The following FAM229A variants were observed in gnomAD, a reference collection of about 807,000 sequenced individuals.
FAM229A encodes the protein protein FAM229A.
FAM229A carries 9 observed loss-of-function variants against 10.0 expected under a neutral mutation model. The observed-to-expected ratio is 0.90, with a 90% confidence interval of 0.54 to 1.56. FAM229A has a LOEUF of 1.56. Among genes scored for constraint, FAM229A ranks in the 40% most tolerant of loss-of-function variants. FAM229A has a pLI of 0.00. For missense variants in FAM229A, 196 were observed against 197.6 expected (o/e 0.99, Z 0.05); for synonymous variants, 93 against 90.1 (o/e 1.03, Z -0.19).
chr1:32,361,982 A>G lies in FAM229A; in HGVS notation c.110T>C (p.Leu37Pro), dbSNP rs1641710769. The stretch of plus-strand genomic sequence containing the variant: ...CCTCCCGGCGGTTGAGACCGGTCCC[A>G]GGCTAGAAGCAGCTGCCGGAGCCCT... ...AARAPAAASS[L>P]GPVSTAGRAP... The change falls in exon 1 of 3, where the codon CTG becomes CCG. Residue 37 changes from leucine to proline, a missense_variant. By Grantham distance (98) the Leu-to-Pro change is moderately conservative (BLOSUM62 -3). Transcript: ENST00000432622. 1 of 1,483,404 alleles carries G rather than the reference A, an allele frequency of 6.7e-7. No homozygotes were observed. 91.9% of individuals were successfully genotyped at this position (1,483,404 alleles called of 1,614,324 possible).
Position 32,361,724 on chromosome 1 carries a change from C to T in FAM229A, c.281+6G>A. On this transcript the variant is annotated splice_donor_region_variant and intron_variant, in intron 2 of 2. Transcript: ENST00000432622. ...GGCGGAGGCGGGGGTGGGGCGCGGG[C>T]CTTACCTGACCGGGTTGTGCTCCGT... 7.6e-7 allele frequency: 1 copy of T among 1,313,030 alleles called. No individual in the cohort carries two copies. The highest frequency in any genetic ancestry group is 9.7e-7 in the Non-Finnish European group (1 of 1,032,862). The allele number at this position is 1,313,030 out of a possible 1,614,324, so 81.3% of individuals were successfully genotyped here.
Sources: allele counts gnomAD v4.1 joint callset, GRCh38; gene constraint gnomAD v4.1.1; transcripts MANE v1.5; gene names NCBI Gene and HGNC (gene_info 2026-07-23, HGNC 2026-07-21).